The following NBAS variants were observed in gnomAD, a reference collection of about 807,000 sequenced individuals.
NBAS encodes the protein NBAS subunit of NRZ tethering complex, also known as NAG/BC035112 fusion.
Under a neutral mutation model 302.5 loss-of-function variants are expected in NBAS, and 219 were observed. The ratio of observed to expected loss-of-function variants is 0.72; its 90% CI spans 0.65 to 0.81. The LOEUF is 0.81. Among genes scored for constraint, NBAS ranks in the 30% least tolerant of loss-of-function variants. The probability of loss-of-function intolerance (pLI) is 0.00; values close to 1 mark genes in which losing one functional copy is unlikely to be tolerated. For missense variants in NBAS, 2,932 were observed against 2,841.6 expected, an observed-to-expected ratio of 1.03 and a Z score of -0.72; for synonymous variants, 1,118 against 1,021.6, an observed-to-expected ratio of 1.09 and a Z score of -1.80.
the NBAS span, among the ~76,000 whole-genome samples, chr2:14,789,209 G>T: frequency 6.6e-6 from 1 of 152,320 alleles, no homozygotes; most frequent in African/African-American, 2.4e-5. Context: ...GGGTGGGAGT[G>T]ACCCGATTTT....
chr2:15,455,163 A>G (rs993606575), intron 21 of NBAS, among the ~76,000 whole-genome samples: 1 of 152,154 alleles, frequency 6.6e-6, no homozygotes, highest in Non-Finnish European at 1.5e-5. Context: ...TTGGCCTCCC[A>G]AAGTGCTGGG....
chr2:14,990,710 C>T, the NBAS span, among the ~76,000 whole-genome samples: 2 of 152,138 alleles, frequency 1.3e-5, no homozygotes, highest in Admixed American at 1.3e-4. Flanking sequence ...GGGGATCTTC[C>T]TGCCTCAGCC....
At chr2:15,080,054 A>G in the NBAS span, among the ~76,000 whole-genome samples, 28 of 152,312 alleles carry the variant, frequency 1.8e-4, no homozygotes, top group Non-Finnish European at 3.5e-4. Flanking sequence ...ATGAGAAGGC[A>G]AAGGAGAACA....
the NBAS span, among the ~76,000 whole-genome samples, chr2:14,797,303 A>G: frequency 6.6e-6 from 1 of 152,128 alleles, no homozygotes; most frequent in African/African-American, 2.4e-5. Context: ...TCTTGGATGC[A>G]GGAAAAGATC....
At chr2:15,116,841 C>T in the NBAS span, among the ~76,000 whole-genome samples, 2 of 152,112 alleles carry the variant, frequency 1.3e-5, no homozygotes, top group African/African-American at 2.4e-5. Flanking sequence ...TTTTAGGAAC[C>T]TCTTAATTTA....
chr2:15,186,921 TA>T, intron 49 of NBAS, 41 bp from the exon 50 acceptor site: 1 of 1,612,378 alleles, frequency 6.2e-7, no homozygotes, highest in South Asian at 1.1e-5. Flanking sequence ...TGGAAATGAC[TA>T]AAGTTATCAT....
At chr2:15,500,541 A>ACACACAC (rs1558392987) in intron 11 of NBAS, among the ~76,000 whole-genome samples, 2 of 125,914 alleles carry the variant, frequency 1.6e-5, no homozygotes, top group African/African-American at 5.5e-5. Flanking sequence ...CACACACACA[A>ACACACAC]AATTAGAAAT....
At position 15,194,345 on chromosome 2, in the gene NBAS, G is replaced by A. The variant is rs547437679; in HGVS notation, c.6433-3942C>T. Among the ~76,000 whole-genome samples, 23 of 152,202 alleles carry A rather than the reference G, an allele frequency of 1.5e-4. 1 individual carries two copies. In the South Asian group the frequency reaches 4.8e-3, roughly 32 times the overall value. On this transcript the variant is annotated intron_variant, in intron 48 of 51. Coordinates refer to ENST00000281513, the MANE Select transcript of NBAS (RefSeq NM_015909.4). Reference sequence around the variant, plus strand: ...GTTACCTATAGGAGAACATTAATGTGAATAATAATGGATTTATTATCCAAA... The same window carrying A: ...GTTACCTATAGGAGAACATTAATGTAAATAATAATGGATTTATTATCCAAA...
the NBAS span, among the ~76,000 whole-genome samples, chr2:14,913,349 G>C: frequency 6.6e-6 from 1 of 152,190 alleles, no homozygotes; most frequent in Non-Finnish European, 1.5e-5. Context: ...TCCTCTAGAA[G>C]TATCTCAAGA....
rs145177445 is a variant in NBAS at position 15,474,216 on chromosome 2, G to C, written c.1450C>G (p.Arg484Gly). The change falls in exon 15 of 52, where the codon CGC (arginine) becomes GGC (glycine). Residue 484 changes from arginine to glycine, a missense_variant. Physicochemically the swap from Arg to Gly is moderately radical, Grantham distance 125 (BLOSUM62 -2). Coordinates refer to ENST00000281513, the MANE Select transcript of NBAS (RefSeq NM_015909.4). The part of the protein sequence containing the change: ...DSDYEISAKA[R>G]YFGYIKQGLY... ...CCCTGTTTTATATAACCAAAGTAGCGAGCCTTGGCAGATATTTCATAATCA... is the reference window on the plus strand; with the variant it reads ...CCCTGTTTTATATAACCAAAGTAGCCAGCCTTGGCAGATATTTCATAATCA... 2 of 1,613,918 alleles carry C rather than the reference G, an allele frequency of 1.2e-6. No homozygotes were observed. Among genetic ancestry groups the C allele is most frequent in the Middle Eastern group, 1.6e-4 (1 of 6,084 alleles).
At chr2:15,046,235 C>G in the NBAS span, among the ~76,000 whole-genome samples, 1 of 152,136 alleles carries the variant, frequency 6.6e-6, no homozygotes, top group African/African-American at 2.4e-5. Flanking sequence ...GGGGTGGAAG[C>G]TGGATTCAGT....
At chr2:15,107,123 T>G in the NBAS span, among the ~76,000 whole-genome samples, 1 of 152,086 alleles carries the variant, frequency 6.6e-6, no homozygotes, top group African/African-American at 2.4e-5. Flanking sequence ...TGTGACTGTA[T>G]TTGAAGATAG....
the NBAS span, among the ~76,000 whole-genome samples, chr2:15,004,747 G>T: frequency 2.0e-5 from 3 of 146,804 alleles, no homozygotes; most frequent in East Asian, 6.0e-4. Context: ...GAACTCAAGC[G>T]ATCCACCCCC....
At chr2:15,193,321 C>T (rs146757551) in intron 48 of NBAS, among the ~76,000 whole-genome samples, 25 of 152,216 alleles carry the variant, frequency 1.6e-4, no homozygotes, top group East Asian at 5.8e-4. Context: ...CATATCAAAG[C>T]GTTTCAAGTC....
At chr2:15,161,692 G>A in the NBAS span, among the ~76,000 whole-genome samples, 3 of 152,178 alleles carry the variant, frequency 2.0e-5, no homozygotes, top group African/African-American at 4.8e-5. Flanking sequence ...ACTTGCAGTG[G>A]CTTGAGCTCC....
chr2:15,533,630 G>A lies in NBAS; in HGVS notation c.746+913C>T, dbSNP rs573029030. Among the ~76,000 whole-genome samples the A allele has an allele frequency of 4.0e-5, 6 of 151,588 alleles. No individual in the cohort carries two copies. The South Asian group carries it at 8.3e-4, about 21-fold the overall frequency. On this transcript the variant is annotated intron_variant, in intron 9 of 51. Transcript: ENST00000281513. ...TCAGGACAGTAATCATCTCTAGAAC[G>A]GAGACGATGGGATTGGGGAAGAGCA...
At chr2:15,003,256 C>T in the NBAS span, among the ~76,000 whole-genome samples, 4 of 152,142 alleles carry the variant, frequency 2.6e-5, no homozygotes, top group Non-Finnish European at 4.4e-5. Flanking sequence ...GTGGAAGATG[C>T]CGATTCTGTA....
chr2:15,420,838 G>A (rs1251531421), intron 23 of NBAS, among the ~76,000 whole-genome samples: 3 of 151,860 alleles, frequency 2.0e-5, no homozygotes, highest in Non-Finnish European at 4.4e-5. Flanking sequence ...GGGAAGAGGG[G>A]GAAGCAACGT....
chr2:14,914,346 C>A, the NBAS span, among the ~76,000 whole-genome samples: 1 of 152,336 alleles, frequency 6.6e-6, no homozygotes, highest in East Asian at 1.9e-4. Flanking sequence ...CCCCACAGGG[C>A]CACATGGGGG....
Sources: gnomAD v4.1 joint callset for allele counts (sites outside exome capture counted in the v4.1 genomes callset) on GRCh38, gnomAD v4.1.1 for gene constraint, MANE v1.5 for transcripts, NCBI Gene and HGNC (gene_info 2026-07-23, HGNC 2026-07-21) for gene names.